The following CHST12 variants were observed in gnomAD, a reference collection of about 807,000 sequenced individuals.
CHST12 encodes the protein carbohydrate sulfotransferase 12.
In CHST12, 23 loss-of-function variants were observed where a neutral mutation model predicts 27.9. The ratio of observed to expected loss-of-function variants is 0.82; its 90% CI spans 0.59 to 1.17. The LOEUF (loss-of-function observed/expected upper bound fraction) is 1.17, where lower values mean the gene tolerates loss of function less well. Among genes scored for constraint, CHST12 ranks in the 50% most tolerant of loss-of-function variants. CHST12 has a pLI of 0.00. For missense variants in CHST12, 682 were observed against 603.0 expected (o/e 1.13, Z -1.37); for synonymous variants, 322 against 273.0 (o/e 1.18, Z -1.77).
Position 2,433,409 on chromosome 7 carries a change from G to A in CHST12, c.770G>A (p.Ser257Asn). The change falls in exon 2 of 2, where the codon AGC becomes AAC. Residue 257 changes from serine (S) to asparagine (N), a missense_variant. Coordinates refer to ENST00000618655, the MANE Select transcript of CHST12 (RefSeq NM_018641.5). The surrounding 1 kb of genome is among the most constrained non-coding windows in gnomAD (Gnocchi z 6.1). ...PFVRLISAFRSKFELENEEFY... is the reference protein window; with the variant it reads ...PFVRLISAFRNKFELENEEFY... ...GTGCGCCTGATCTCCGCCTTCCGCA[G>A]CAAGTTCGAGCTGGAGAACGAGGAG... 2 of 1,609,514 alleles carry A rather than the reference G, an allele frequency of 1.2e-6. No homozygotes were observed. Among genetic ancestry groups the A allele is most frequent in the Non-Finnish European group, 8.5e-7 (1 of 1,179,910 alleles).
intron 1 of CHST12, among the ~76,000 whole-genome samples, chr7:2,410,783 G>A (rs913437360): frequency 2.0e-5 from 3 of 152,092 alleles, no homozygotes; most frequent in African/African-American, 4.8e-5. Flanking sequence ...GGAGAGGGTC[G>A]CCGAGGGGGA....
Position 2,440,973 on chromosome 7 carries a change from C to T in CHST12, c.*7089C>T, listed in dbSNP as rs963857473. ...TCTTTTTTCCTTGTCTAAGCACCAT[C>T]CTTGCTTAGGAGAGACACGGCTGTG... On this transcript the variant is annotated 3_prime_UTR_variant, in exon 2 of 2. Transcript: ENST00000618655. The T allele has an allele frequency of 2.0e-5, 3 of 152,176 alleles. No homozygotes were observed. The highest frequency in any genetic ancestry group is 4.4e-5 in the Non-Finnish European group (3 of 68,034). The allele number at this position is 152,176 out of a possible 1,614,324, so 9.4% of individuals were successfully genotyped here.
intron 1 of CHST12, among the ~76,000 whole-genome samples, chr7:2,408,488 G>C (rs1781581368): frequency 6.6e-6 from 1 of 152,068 alleles, no homozygotes. Context: ...CAGGTCAAGA[G>C]GCAGAAGGTT....
rs1782386535 is a variant in CHST12 at position 2,433,838 on chromosome 7, T to C, written c.1199T>C (p.Phe400Ser). ...QQLYKLYEAD[F>S]VLFGYPKPEN... is the part of the protein sequence containing the mutation. ...CTGTATAAACTCTACGAGGCCGACT[T>C]TGTTCTCTTCGGCTACCCCAAGCCC... is the stretch of plus-strand genomic sequence containing the variant. The change falls in exon 2 of 2, where the codon TTT becomes TCT. Residue 400 changes from phenylalanine (F) to serine (S), a missense_variant. Transcript: ENST00000618655. The surrounding 1 kb of genome is among the most constrained non-coding windows in gnomAD (Gnocchi z 6.1). The C allele has an allele frequency of 6.2e-7, 1 of 1,602,332 alleles. No homozygotes were observed. Among genetic ancestry groups the C allele is most frequent in the Non-Finnish European group, 8.5e-7 (1 of 1,171,416 alleles).
rs906800267 is a variant in CHST12 at position 2,434,172 on chromosome 7, G to C, written c.*288G>C. 9 of 257,672 alleles carry C rather than the reference G, an allele frequency of 3.5e-5. No individual in the cohort carries two copies. The highest frequency in any genetic ancestry group is 7.1e-5 in the Non-Finnish European group (9 of 126,558). 16.0% of individuals were successfully genotyped at this position (257,672 alleles called of 1,614,324 possible). On this transcript the variant is annotated 3_prime_UTR_variant, in exon 2 of 2. Coordinates refer to ENST00000618655, the MANE Select transcript of CHST12 (RefSeq NM_018641.5). ...TGGTTTTTCTGAGCGTGCGGGCGCC[G>C]GGAGGGGATGCTGAGGCTGATGGAG...
chr7:2,433,305 C>G lies in CHST12; in HGVS notation c.666C>G (p.Arg222=). 6.2e-7 allele frequency: 1 copy of G among 1,612,612 alleles called. No homozygotes were observed. Among genetic ancestry groups the G allele is most frequent in the Non-Finnish European group, 8.5e-7 (1 of 1,179,446 alleles). Residue 222 remains arginine, a synonymous_variant, in exon 2 of 2, where the codon CGC becomes CGG. Coordinates refer to ENST00000618655, the MANE Select transcript of CHST12 (RefSeq NM_018641.5). The surrounding 1 kb of genome is among the most constrained non-coding windows in gnomAD (Gnocchi z 6.1). ...TGACCTTCAACAAGTTCTGGCGCCG[C>G]TACGGGAAGCTCTCCCGCCACCTCA... ...AHLTFNKFWR[R]YGKLSRHLMK... is the part of the protein sequence containing the mutation.
intron 1 of CHST12, among the ~76,000 whole-genome samples, chr7:2,420,874 T>C (rs1480837627): frequency 3.7e-4 from 56 of 152,180 alleles, no homozygotes; most frequent in Admixed American, 3.7e-3. Flanking sequence ...TATTTTATTA[T>C]TATTTTTTAA....
chr7:2,442,459 G>C lies in CHST12; in HGVS notation c.*8575G>C, dbSNP rs986779288. 2 of 152,206 alleles carry C rather than the reference G, an allele frequency of 1.3e-5. No individual in the cohort carries two copies. The highest frequency in any genetic ancestry group is 2.9e-5 in the Non-Finnish European group (2 of 68,078). The allele number at this position is 152,206 out of a possible 1,614,324, so 9.4% of individuals were successfully genotyped here. On this transcript the variant is annotated 3_prime_UTR_variant, in exon 2 of 2. Coordinates refer to ENST00000618655, the MANE Select transcript of CHST12 (RefSeq NM_018641.5). ...GCTCACTGCAAGCTCCGCCTCCCAG[G>C]TTCAGGCCATTCTCCTGCCTCAGCC...
chr7:2,405,606 T>C (rs544891182), intron 1 of CHST12, among the ~76,000 whole-genome samples: 12 of 151,962 alleles, frequency 7.9e-5, no homozygotes, highest in African/African-American at 2.9e-4. Flanking sequence ...GCAGTGGAGC[T>C]GAGTTGAGTA....
In CHST12 at chr7:2,442,726, G is replaced by C. The variant is rs2115465171; in HGVS notation, c.*8842G>C. On this transcript the variant is annotated 3_prime_UTR_variant, in exon 2 of 2. Coordinates refer to ENST00000618655, the MANE Select transcript of CHST12 (RefSeq NM_018641.5). ...ACCCCCTGGTGATGGACCAATACTG[G>C]CCTGCGGCCCCTTAGGAACTGGACT... is the stretch of plus-strand genomic sequence containing the variant. 2 of 152,448 alleles carry C rather than the reference G, an allele frequency of 1.3e-5. No individual in the cohort carries two copies. The highest frequency in any genetic ancestry group is 4.1e-4 in the South Asian group (2 of 4,834). 9.4% of individuals were successfully genotyped at this position (152,448 alleles called of 1,614,324 possible).
chr7:2,438,255 G>A lies in CHST12; in HGVS notation c.*4371G>A, dbSNP rs914658482. On this transcript the variant is annotated 3_prime_UTR_variant, in exon 2 of 2. Coordinates refer to ENST00000618655, the MANE Select transcript of CHST12 (RefSeq NM_018641.5). ...GGCATGGTGACAGGTGTTTCCCTGC[G>A]GCAGAATGTTGGGGCCACACCAACG... 3 of 152,206 alleles carry A rather than the reference G, an allele frequency of 2.0e-5. No individual in the cohort carries two copies. The highest frequency in any genetic ancestry group is 6.6e-5 in the Admixed American group (1 of 15,258). 9.4% of individuals were successfully genotyped at this position (152,206 alleles called of 1,614,324 possible).
chr7:2,420,264 C>T (rs1274412766), intron 1 of CHST12, among the ~76,000 whole-genome samples: 1 of 152,154 alleles, frequency 6.6e-6, no homozygotes, highest in African/African-American at 2.4e-5. Context: ...TGAGCCGCCA[C>T]ACCGGCCAAG....
rs200586513 is a variant in CHST12 at position 2,440,250 on chromosome 7, G to A, written c.*6366G>A. 6.5e-5 allele frequency: 10 copies of A among 154,448 alleles called. No individual in the cohort carries two copies. In the East Asian group the frequency reaches 1.5e-3, roughly 24 times the overall value. 9.6% of individuals were successfully genotyped at this position (154,448 alleles called of 1,614,324 possible). ...GAGGATCTGTTGGTTGACTTTGACA[G>A]TGATAAACGAACACAGCCTATCTGG... On this transcript the variant is annotated 3_prime_UTR_variant, in exon 2 of 2. Coordinates refer to ENST00000618655, the MANE Select transcript of CHST12 (RefSeq NM_018641.5).
intron 1 of CHST12, among the ~76,000 whole-genome samples, chr7:2,424,163 G>A (rs1373968763): frequency 1.3e-5 from 2 of 152,180 alleles, no homozygotes; most frequent in African/African-American, 4.8e-5. Context: ...AGAGCAGCCT[G>A]GGCAACATAG....
chr7:2,406,851 G>A (rs952388448), intron 1 of CHST12, among the ~76,000 whole-genome samples: 2 of 152,138 alleles, frequency 1.3e-5, no homozygotes, highest in African/African-American at 4.8e-5. Context: ...TGCTACAGGA[G>A]ATTGAGACCA....
At position 2,442,907 on chromosome 7, in the gene CHST12, T is replaced by A. The variant is rs145324464; in HGVS notation, c.*9023T>A. 1.4e-3 allele frequency: 211 copies of A among 152,202 alleles called. 1 individual carries two copies. The highest frequency in any genetic ancestry group is 4.8e-3 in the African/African-American group (201 of 41,526). 9.4% of individuals were successfully genotyped at this position (152,202 alleles called of 1,614,324 possible). ...CATGCAACAATCTAATGCCTGATGA[T>A]CTGAAGTGGAACAGGTTTTTGTTTT... On this transcript the variant is annotated 3_prime_UTR_variant, in exon 2 of 2. Coordinates refer to ENST00000618655, the MANE Select transcript of CHST12 (RefSeq NM_018641.5).
At position 2,445,502 on chromosome 7, in the gene CHST12, C is replaced by T. The variant is rs1181706749; in HGVS notation, c.*11618C>T. ...ACGGAATCTCACTGTGTCGCCCAGGCTCACTGCAACCTATGCCTCCCGGGT... is the reference window on the plus strand; with the variant it reads ...ACGGAATCTCACTGTGTCGCCCAGGTTCACTGCAACCTATGCCTCCCGGGT... On this transcript the variant is annotated 3_prime_UTR_variant, in exon 2 of 2. Coordinates refer to ENST00000618655, the MANE Select transcript of CHST12 (RefSeq NM_018641.5). 6.6e-6 allele frequency: 1 copy of T among 152,324 alleles called. No individual in the cohort carries two copies. Among genetic ancestry groups the T allele is most frequent in the East Asian group, 1.9e-4 (1 of 5,204 alleles). 9.4% of individuals were successfully genotyped at this position (152,324 alleles called of 1,614,324 possible). A position where few individuals can be genotyped will look rare whatever the true frequency, so the allele number is the denominator to read the frequency against.
chr7:2,441,713 A>C lies in CHST12; in HGVS notation c.*7829A>C, dbSNP rs935116354. 2.8e-5 allele frequency: 4 copies of C among 143,730 alleles called. No individual in the cohort carries two copies. Among genetic ancestry groups the C allele is most frequent in the Non-Finnish European group, 6.0e-5 (4 of 66,230 alleles). 8.9% of individuals were successfully genotyped at this position (143,730 alleles called of 1,614,324 possible). On this transcript the variant is annotated 3_prime_UTR_variant, in exon 2 of 2. Coordinates refer to ENST00000618655, the MANE Select transcript of CHST12 (RefSeq NM_018641.5). ...GTCTTAAAAAAAAAAAAAAAAAAAA[A>C]GGTGTTGTATTTTATCATTAGAAGG...
At position 2,440,309 on chromosome 7, in the gene CHST12, G is replaced by A. The variant is rs1427042129; in HGVS notation, c.*6425G>A. The A allele has an allele frequency of 6.5e-6, 1 of 154,580 alleles. No individual in the cohort carries two copies. The allele number at this position is 154,580 out of a possible 1,614,324, so 9.6% of individuals were successfully genotyped here. On this transcript the variant is annotated 3_prime_UTR_variant, in exon 2 of 2. Coordinates refer to ENST00000618655, the MANE Select transcript of CHST12 (RefSeq NM_018641.5). ...TGCACTTATAGTTTGGGGGTTTGAA[G>A]TACTGGCTAGAAGCTGGCGGGGTGT...
Sources: allele counts gnomAD v4.1 joint callset (sites outside exome capture counted in the v4.1 genomes callset), GRCh38; gene constraint gnomAD v4.1.1; non-coding constraint Gnocchi (gnomAD v3.1); transcripts MANE v1.5; gene names NCBI Gene and HGNC (gene_info 2026-07-23, HGNC 2026-07-21).